VPS8: variants seen among roughly 807,000 people sequenced by gnomAD.
VPS8 encodes vacuolar protein sorting-associated protein 8 homolog.
In VPS8, 129 loss-of-function variants were observed where a neutral mutation model predicts 216.4. The ratio of observed to expected loss-of-function variants is 0.60; its 90% CI spans 0.52 to 0.69. VPS8 has a LOEUF of 0.69. VPS8 is among the 30% of genes least tolerant of loss of function. The probability of loss-of-function intolerance (pLI) is 0.00; values close to 1 mark genes in which losing one functional copy is unlikely to be tolerated. For missense variants in VPS8, 1,531 were observed against 1,683.5 expected (o/e 0.91, Z 1.59); for synonymous variants, 571 against 565.4 (o/e 1.01, Z -0.14).
intron 36 of VPS8, among the ~76,000 whole-genome samples, chr3:184,941,852 C>T (rs1021869247): frequency 6.6e-6 from 1 of 151,814 alleles, no homozygotes; most frequent in African/African-American, 2.4e-5. Context: ...TTGAACTTGG[C>T]ATTTTCTCAA....
At chr3:184,861,294 A>G (rs1020656686) in intron 15 of VPS8, among the ~76,000 whole-genome samples, 1 of 152,232 alleles carries the variant, frequency 6.6e-6, no homozygotes. Flanking sequence ...ATGCATGAAT[A>G]TAGGCAACCC....
At chr3:184,845,121 G>A (rs1722885071) in intron 8 of VPS8, among the ~76,000 whole-genome samples, 1 of 152,150 alleles carries the variant, frequency 6.6e-6, no homozygotes, top group African/African-American at 2.4e-5. Context: ...TGTAGACAAA[G>A]GAGACTTCAG....
At chr3:184,991,501 C>T (rs181899574) in intron 42 of VPS8, among the ~76,000 whole-genome samples, 5 of 152,290 alleles carry the variant, frequency 3.3e-5, no homozygotes, top group Admixed American at 2.6e-4. Flanking sequence ...GTGAGATGTA[C>T]TGATACAAAT....
At chr3:185,015,256 T>A (rs577370528) in intron 45 of VPS8, among the ~76,000 whole-genome samples, 35 of 152,336 alleles carry the variant, frequency 2.3e-4, no homozygotes, top group African/African-American at 7.9e-4. Context: ...CTGCAGTTAA[T>A]GGTCCTGGAA....
chr3:184,812,942 G>A (rs16859308), intron 1 of VPS8, among the ~76,000 whole-genome samples: 4,664 of 152,242 alleles, frequency 0.031, 108 homozygotes, highest in African/African-American at 0.058. Context: ...GTTTGTCTCC[G>A]CGTGCAAGTT....
chr3:184,939,373 T>C (rs1159633239), intron 35 of VPS8, among the ~76,000 whole-genome samples: 1 of 151,986 alleles, frequency 6.6e-6, no homozygotes, highest in Non-Finnish European at 1.5e-5. Context: ...CCCCCATTTT[T>C]TACAGATAAA....
At chr3:184,937,872 G>A (rs1741918681) in intron 35 of VPS8, among the ~76,000 whole-genome samples, 2 of 152,164 alleles carry the variant, frequency 1.3e-5, no homozygotes, top group Admixed American at 1.3e-4. Flanking sequence ...TAAACTAGAG[G>A]GGTTGCAAAA....
intron 45 of VPS8, among the ~76,000 whole-genome samples, chr3:185,003,701 A>G (rs893684699): frequency 6.6e-6 from 1 of 152,192 alleles, no homozygotes. Flanking sequence ...GGCCGGGCAG[A>G]GTGGCTCCTC....
intron 34 of VPS8, among the ~76,000 whole-genome samples, chr3:184,934,713 A>G (rs751015881): frequency 6.6e-6 from 1 of 152,130 alleles, no homozygotes. Flanking sequence ...ATTTTTGCAG[A>G]TAAGTGCAGC....
intron 26 of VPS8, 55 bp downstream of exon 26, chr3:184,913,616 T>C: frequency 7.0e-7 from 1 of 1,418,832 alleles, no homozygotes. Context: ...ATTTTTCCTA[T>C]ATTTTTAGAG....
chr3:184,908,077 C>T (rs930303266), intron 25 of VPS8, among the ~76,000 whole-genome samples: 1 of 152,198 alleles, frequency 6.6e-6, no homozygotes. Flanking sequence ...CAACTACTAA[C>T]ACTGTCTCAG....
chr3:184,878,796 T>G (rs1289430379), intron 21 of VPS8, among the ~76,000 whole-genome samples: 3 of 152,180 alleles, frequency 2.0e-5, no homozygotes, highest in African/African-American at 4.8e-5. Flanking sequence ...TGCAGAGAGA[T>G]AATCTAATCT....
chr3:184,976,442 A>G (rs1749285745), intron 40 of VPS8, among the ~76,000 whole-genome samples: 1 of 151,726 alleles, frequency 6.6e-6, no homozygotes, highest in African/African-American at 2.4e-5. Flanking sequence ...TTATTTTAGA[A>G]TCAGACAGTA....
chr3:185,005,625 T>TTTATTTA (rs143945623), intron 45 of VPS8, among the ~76,000 whole-genome samples: 1 of 150,228 alleles, frequency 6.7e-6, no homozygotes, highest in African/African-American at 2.5e-5. Flanking sequence ...ATTTTATTTA[T>TTTATTTA]TTTATTTATT....
At chr3:184,891,216 C>T (rs1007331230) in intron 22 of VPS8, among the ~76,000 whole-genome samples, 1 of 152,164 alleles carries the variant, frequency 6.6e-6, no homozygotes, top group Admixed American at 6.5e-5. Context: ...AAGAAGCCAT[C>T]GTTCCAATGG....
intron 10 of VPS8, among the ~76,000 whole-genome samples, chr3:184,851,751 C>G (rs995789614): frequency 1.3e-5 from 2 of 152,126 alleles, no homozygotes; most frequent in Admixed American, 6.5e-5. Flanking sequence ...TCAGCCATCC[C>G]TGACTGGGAA....
intron 29 of VPS8, among the ~76,000 whole-genome samples, chr3:184,923,988 A>G (rs1181533236): frequency 6.6e-6 from 1 of 152,168 alleles, no homozygotes; most frequent in Non-Finnish European, 1.5e-5. Flanking sequence ...TTAAGATGTT[A>G]TGTCTTTTCC....
intron 21 of VPS8, among the ~76,000 whole-genome samples, chr3:184,873,719 A>G (rs1268822019): frequency 6.6e-6 from 1 of 152,154 alleles, no homozygotes; most frequent in Non-Finnish European, 1.5e-5. Context: ...AAGTCCAGAT[A>G]AGTGTATTAA....
At chr3:184,971,910 A>G (rs1280962471) in intron 40 of VPS8, among the ~76,000 whole-genome samples, 158 bp downstream of exon 40, 1 of 152,160 alleles carries the variant, frequency 6.6e-6, no homozygotes, top group South Asian at 2.1e-4. Context: ...TCCCATCTTT[A>G]CTAAAAATAC....
Sources: gnomAD v4.1 joint callset for allele counts (sites outside exome capture counted in the v4.1 genomes callset) on GRCh38, gnomAD v4.1.1 for gene constraint, MANE v1.5 for transcripts, NCBI Gene and HGNC (gene_info 2026-07-23, HGNC 2026-07-21) for gene names.